Variants in HCRTR2 observed in about 807,000 individuals in gnomAD.
HCRTR2 encodes hypocretin receptor 2.
Under a neutral mutation model 49.0 loss-of-function variants are expected in HCRTR2, and 22 were observed. That is an observed-to-expected ratio of 0.45 (90% CI 0.32 to 0.64). The LOEUF (loss-of-function observed/expected upper bound fraction) is 0.64. Ranked by LOEUF, HCRTR2 falls within the 30% of genes least tolerant of loss-of-function variation. HCRTR2 has a pLI of 0.04. For missense variants in HCRTR2, 491 were observed against 559.4 expected, an observed-to-expected ratio of 0.88 and a Z score of 1.23; for synonymous variants, 236 against 205.3, an observed-to-expected ratio of 1.15 and a Z score of -1.28.
At chr6:55,119,846 A>G (rs778132719) in intron 1 of HCRTR2, among the ~76,000 whole-genome samples, 3 of 152,038 alleles carry the variant, frequency 2.0e-5, no homozygotes, top group Non-Finnish European at 4.4e-5. Flanking sequence ...GTCTTTTCCC[A>G]TGCCTATGTC....
intron 1 of HCRTR2, among the ~76,000 whole-genome samples, chr6:55,242,386 G>C (rs1027916780): frequency 1.3e-4 from 17 of 131,554 alleles, no homozygotes; most frequent in African/African-American, 5.3e-4. Context: ...AGCCCCTGGG[G>C]GAAAAAAAAA....
chr6:55,262,487 CTT>C (rs1325882073), intron 3 of HCRTR2, among the ~76,000 whole-genome samples: 1 of 122,970 alleles, frequency 8.1e-6, no homozygotes, highest in Non-Finnish European at 1.6e-5. Context: ...TAATATATAA[CTT>C]ATTATTATAT....
intron 3 of HCRTR2, among the ~76,000 whole-genome samples, chr6:55,258,610 T>C (rs1016357244): frequency 6.6e-6 from 1 of 152,230 alleles, no homozygotes; most frequent in African/African-American, 2.4e-5. Flanking sequence ...TGTAAATACT[T>C]ATTTTAATAA....
chr6:55,192,538 G>A (rs1042840801), intron 1 of HCRTR2, among the ~76,000 whole-genome samples: 3 of 152,084 alleles, frequency 2.0e-5, no homozygotes, highest in Admixed American at 6.6e-5. Flanking sequence ...ACAGTGAGCC[G>A]TGATTCCACC....
intron 1 of HCRTR2, among the ~76,000 whole-genome samples, chr6:55,126,574 G>A (rs1267253244): frequency 6.6e-6 from 1 of 152,152 alleles, no homozygotes; most frequent in Non-Finnish European, 1.5e-5. Flanking sequence ...CAAGGGTTAA[G>A]GACCCAGTTG....
chr6:55,247,324 T>G (rs1383828953), intron 1 of HCRTR2, among the ~76,000 whole-genome samples: 1 of 152,160 alleles, frequency 6.6e-6, no homozygotes, highest in Non-Finnish European at 1.5e-5. Flanking sequence ...GAAATCCAGG[T>G]ATCTTGTTAA....
intron 1 of HCRTR2, among the ~76,000 whole-genome samples, chr6:55,237,034 C>CTATTA (rs1478389813): frequency 6.6e-6 from 1 of 151,978 alleles, no homozygotes; most frequent in African/African-American, 2.4e-5. Context: ...TGGATATTTT[C>CTATTA]TATTAGTTTG....
chr6:55,259,497 T>C (rs542852615), intron 3 of HCRTR2, among the ~76,000 whole-genome samples: 1 of 152,198 alleles, frequency 6.6e-6, no homozygotes, highest in Admixed American at 6.5e-5. Context: ...GAAAGAGGAA[T>C]GTTTCTAGTT....
At chr6:55,169,236 T>G (rs1214643233) in intron 1 of HCRTR2, among the ~76,000 whole-genome samples, 2 of 151,766 alleles carry the variant, frequency 1.3e-5, no homozygotes, top group East Asian at 3.9e-4. Flanking sequence ...TATATATTTG[T>G]TGAATAAAAA....
intron 2 of HCRTR2, among the ~76,000 whole-genome samples, chr6:55,249,265 T>C (rs2127312553): frequency 6.6e-6 from 1 of 152,270 alleles, no homozygotes; most frequent in South Asian, 2.1e-4. Context: ...GATCTGCCAG[T>C]CCAAGTCATT....
intron 4 of HCRTR2, among the ~76,000 whole-genome samples, chr6:55,265,105 G>A (rs1425997484): frequency 6.6e-6 from 1 of 151,876 alleles, no homozygotes; most frequent in African/African-American, 2.4e-5. Flanking sequence ...CCTTACAAGT[G>A]AAACCAGTAG....
At position 55,219,576 on chromosome 6, in the gene HCRTR2, T is replaced by C. The variant is rs142320563; in HGVS notation, c.224-29063T>C. Among the ~76,000 whole-genome samples, 857 of 152,242 alleles carry C rather than the reference T, an allele frequency of 5.6e-3. 19 individuals are homozygous for C. The highest frequency in any genetic ancestry group is 0.012 in the East Asian group (60 of 5,172). ...CAACAAAAGTGGCAAGAGTTAAGTT[T>C]ATAGTGGTAAGTGACTACATTATAA... On this transcript the variant is annotated intron_variant, in intron 1 of 6. Coordinates refer to ENST00000370862, the MANE Select transcript of HCRTR2 (RefSeq NM_001384272.1).
At chr6:55,224,652 T>C (rs1261074700) in intron 1 of HCRTR2, among the ~76,000 whole-genome samples, 1 of 148,370 alleles carries the variant, frequency 6.7e-6, no homozygotes, top group East Asian at 1.9e-4. Context: ...AAAGAAAACG[T>C]GGTATATATA....
In HCRTR2 at chr6:55,174,716, G is replaced by C; in HGVS notation, c.129G>C (p.Leu43=). The change falls in exon 1 of 7, where the codon CTG becomes CTC. Residue 43 remains leucine, a synonymous_variant. Coordinates refer to ENST00000370862, the MANE Select transcript of HCRTR2 (RefSeq NM_001384272.1). The part of the protein sequence containing the change: ...DYDDEEFLRY[L]WREYLHPKEY... Reference sequence around the variant, plus strand: ...ACGACGAGGAATTCCTGCGGTACCTGTGGAGGGAATACCTGCACCCGAAAG... The same window carrying C: ...ACGACGAGGAATTCCTGCGGTACCTCTGGAGGGAATACCTGCACCCGAAAG... 4 of 1,614,116 alleles carry C rather than the reference G, an allele frequency of 2.5e-6. No homozygotes were observed. Among genetic ancestry groups the C allele is most frequent in the Non-Finnish European group, 3.4e-6 (4 of 1,180,022 alleles).
chr6:55,234,408 A>T (rs921513880), intron 1 of HCRTR2, among the ~76,000 whole-genome samples: 3 of 152,174 alleles, frequency 2.0e-5, no homozygotes, highest in Non-Finnish European at 1.5e-5. Context: ...TTAAAAGAAG[A>T]TTTTAAAATA....
At chr6:55,176,110 G>C (rs1765035636) in intron 1 of HCRTR2, among the ~76,000 whole-genome samples, 1 of 152,162 alleles carries the variant, frequency 6.6e-6, no homozygotes, top group South Asian at 2.1e-4. Context: ...TCTCCCAAGT[G>C]TGTTGGTCTG....
intron 1 of HCRTR2, among the ~76,000 whole-genome samples, chr6:55,208,770 G>A (rs1372061417): frequency 1.3e-5 from 2 of 152,128 alleles, no homozygotes; most frequent in Non-Finnish European, 2.9e-5. Flanking sequence ...AGCCATGATT[G>A]TTTATAGGTA....
intron 1 of HCRTR2, among the ~76,000 whole-genome samples, chr6:55,229,612 G>A (rs1766076638): frequency 6.6e-6 from 1 of 152,136 alleles, no homozygotes; most frequent in African/African-American, 2.4e-5. Flanking sequence ...AGGACGTTAT[G>A]CTAGGTGGAA....
chr6:55,237,560 T>C (rs1040983646), intron 1 of HCRTR2, among the ~76,000 whole-genome samples: 2 of 152,248 alleles, frequency 1.3e-5, no homozygotes, highest in African/African-American at 4.8e-5. Context: ...TCTCTGTTTC[T>C]CTTCTCCTGT....
Sources: allele counts gnomAD v4.1 joint callset (sites outside exome capture counted in the v4.1 genomes callset), GRCh38; gene constraint gnomAD v4.1.1; transcripts MANE v1.5; gene names NCBI Gene and HGNC (gene_info 2026-07-23, HGNC 2026-07-21).